Variants in FAM185A observed in about 807,000 individuals in gnomAD.
The protein encoded by FAM185A is protein FAM185A.
In FAM185A, 21 loss-of-function variants were observed where a neutral mutation model predicts 45.7. The observed-to-expected ratio is 0.46, with a 90% CI of 0.33 to 0.66. The LOEUF (loss-of-function observed/expected upper bound fraction) is 0.66, where lower values mean the gene tolerates loss of function less well. Among genes scored for constraint, FAM185A ranks in the 30% least tolerant of loss-of-function variants. The pLI is 0.03. For synonymous variants in FAM185A, 117 were observed against 194.0 expected (o/e 0.60, Z 3.30); for missense variants, 305 against 485.4 (o/e 0.63, Z 3.49).
intron 3 of FAM185A, among the ~76,000 whole-genome samples, chr7:102,759,958 G>T (rs1794009485): frequency 6.6e-6 from 1 of 151,990 alleles, no homozygotes. Context: ...GGTGATATTT[G>T]CTTTGTCCAC....
At chr7:102,843,667 T>C in the FAM185A span, among the ~76,000 whole-genome samples, 2 of 151,884 alleles carry the variant, frequency 1.3e-5, no homozygotes, top group Non-Finnish European at 2.9e-5. Flanking sequence ...TCCCAGCTAC[T>C]CCAGAGGTTG....
intron 7 of FAM185A, among the ~76,000 whole-genome samples, chr7:102,791,761 G>GA (rs1340716205): frequency 6.6e-6 from 1 of 151,684 alleles, no homozygotes; most frequent in Non-Finnish European, 1.5e-5. Flanking sequence ...TCTCTGGAGG[G>GA]AGCTGTGAGT....
intron 6 of FAM185A, among the ~76,000 whole-genome samples, chr7:102,782,579 A>C (rs1423703583): frequency 6.6e-6 from 1 of 152,124 alleles, no homozygotes; most frequent in Non-Finnish European, 1.5e-5. Flanking sequence ...GAAATAAAAT[A>C]CTTTACAGAC....
the FAM185A span, among the ~76,000 whole-genome samples, chr7:102,849,490 T>C: frequency 1.3e-5 from 2 of 152,244 alleles, no homozygotes; most frequent in Non-Finnish European, 2.9e-5. Context: ...GCGAATTATG[T>C]AGTGTGTAAG....
intron 7 of FAM185A, among the ~76,000 whole-genome samples, chr7:102,800,411 G>GA (rs1796719287): frequency 6.6e-6 from 1 of 152,174 alleles, no homozygotes; most frequent in East Asian, 1.9e-4. Flanking sequence ...TGATTTACCT[G>GA]AAAAAGCATT....
At chr7:102,812,338 A>G (rs1797479037), downstream of FAM185A, among the ~76,000 whole-genome samples, 1 of 152,238 alleles carries the variant, frequency 6.6e-6, no homozygotes, top group Non-Finnish European at 1.5e-5. Context: ...TTGAGGGAGC[A>G]TCTTTTTTGG....
chr7:102,777,108 A>G, intron 5 of FAM185A, 145 bp from the exon 6 acceptor site: 2 of 830,928 alleles, frequency 2.4e-6, no homozygotes, highest in Non-Finnish European at 1.8e-6. Flanking sequence ...AAGTGCAAAC[A>G]ATGGCATTGT....
intron 7 of FAM185A, among the ~76,000 whole-genome samples, chr7:102,801,695 C>T (rs62484939): frequency 0.011 from 1,614 of 152,198 alleles, 19 homozygotes; most frequent in Non-Finnish European, 0.016. Flanking sequence ...GAGGCTGAGG[C>T]GGGTAGACTG....
At chr7:102,811,291 A>T (rs114795208), downstream of FAM185A, among the ~76,000 whole-genome samples, 1,900 of 152,302 alleles carry the variant, frequency 0.012, 47 homozygotes, top group African/African-American at 0.044. Context: ...AGCTGCCATA[A>T]TTTACTCTCT....
At chr7:102,845,426 A>T in the FAM185A span, among the ~76,000 whole-genome samples, 1 of 152,156 alleles carries the variant, frequency 6.6e-6, no homozygotes, top group Non-Finnish European at 1.5e-5. Flanking sequence ...ACCAAGATAT[A>T]TATATTTCCT....
the FAM185A span, among the ~76,000 whole-genome samples, chr7:102,840,633 A>T: frequency 0.029 from 4,420 of 152,308 alleles, 186 homozygotes; most frequent in East Asian, 0.16. Context: ...TAAGAAATAA[A>T]GAGTTCACGA....
the FAM185A span, among the ~76,000 whole-genome samples, chr7:102,818,280 A>G: frequency 2.0e-5 from 3 of 152,216 alleles, no homozygotes; most frequent in Admixed American, 2.0e-4. Context: ...TGTAATATAA[A>G]GGCGAAGAGC....
chr7:102,779,774 C>G (rs931208242), intron 6 of FAM185A: 1 of 151,458 alleles, frequency 6.6e-6, no homozygotes, highest in Non-Finnish European at 1.5e-5. Flanking sequence ...TCAGTGCAGC[C>G]TCATCAGGAT....
chr7:102,841,679 G>A, the FAM185A span, among the ~76,000 whole-genome samples: 2 of 152,238 alleles, frequency 1.3e-5, no homozygotes, highest in Non-Finnish European at 2.9e-5. Flanking sequence ...ACACACTAGT[G>A]TCAGGAGCCA....
chr7:102,767,147 T>G (rs1794460803), intron 4 of FAM185A, among the ~76,000 whole-genome samples: 1 of 151,308 alleles, frequency 6.6e-6, no homozygotes, highest in East Asian at 1.9e-4. Context: ...TTTTTTTTTT[T>G]TGTGGTGCAA....
At chr7:102,805,343 C>T (rs1298497939) in intron 7 of FAM185A, among the ~76,000 whole-genome samples, 1 of 152,158 alleles carries the variant, frequency 6.6e-6, no homozygotes, top group African/African-American at 2.4e-5. Flanking sequence ...CGGAATACTG[C>T]TCGGCCATAA....
intron 7 of FAM185A, among the ~76,000 whole-genome samples, chr7:102,798,125 T>G (rs1051676948): frequency 3.9e-5 from 6 of 152,332 alleles, no homozygotes; most frequent in African/African-American, 1.2e-4. Context: ...TTCCTCCCAC[T>G]TAGTGGAAGC....
At chr7:102,809,939 T>G (rs1389145438), downstream of FAM185A, among the ~76,000 whole-genome samples, 1 of 152,110 alleles carries the variant, frequency 6.6e-6, no homozygotes, top group Non-Finnish European at 1.5e-5. Flanking sequence ...AAGATCTGAC[T>G]GTTTAAAAGT....
chr7:102,822,453 CAGAG>C, the FAM185A span: 5 of 606,206 alleles, frequency 8.2e-6, no homozygotes, highest in South Asian at 1.5e-5. Flanking sequence ...TCTCACATGG[CAGAG>C]AGAGAGAGAG....
Sources: allele counts gnomAD v4.1 joint callset (sites outside exome capture counted in the v4.1 genomes callset), GRCh38; gene constraint gnomAD v4.1.1; transcripts MANE v1.5; gene names NCBI Gene and HGNC (gene_info 2026-07-23, HGNC 2026-07-21).